ARNT2: variants seen among roughly 807,000 people sequenced by gnomAD.
The protein encoded by ARNT2 is aryl hydrocarbon receptor nuclear translocator 2.
A neutral mutation model predicts 91.7 loss-of-function variants in ARNT2; 36 were observed. The ratio of observed to expected loss-of-function variants is 0.39; its 90% confidence interval spans 0.30 to 0.52. ARNT2 has a LOEUF of 0.52. ARNT2 is among the 20% of genes least tolerant of loss of function. The pLI is 0.72. For synonymous variants in ARNT2, 365 were observed against 347.1 expected, an observed-to-expected ratio of 1.05 and a Z score of -0.57; for missense variants, 775 against 939.3, an observed-to-expected ratio of 0.83 and a Z score of 2.29.
At position 80,498,441 on chromosome 15, in the gene ARNT2, T is replaced by C. The variant is rs183849964; in HGVS notation, c.623-9715T>C. ...GTGACCATATTGTATATATAGGTGA[T>C]GGTCCAAATCCACGCACTAGGAGAG... On this transcript the variant is annotated intron_variant, in intron 5 of 18. Transcript: ENST00000303329. Among the ~76,000 whole-genome samples, 15 of 152,378 alleles carry C rather than the reference T, an allele frequency of 9.8e-5. No homozygotes were observed. The East Asian group carries it at 2.9e-3, about 29-fold the overall frequency.
In ARNT2 at chr15:80,475,123, C is replaced by A. The variant is rs1355824069; in HGVS notation, c.522C>A (p.Pro174=). Residue 174 remains proline, a synonymous_variant, in exon 5 of 19, where the codon CCC becomes CCA. Coordinates refer to ENST00000303329, the MANE Select transcript of ARNT2 (RefSeq NM_014862.4). The stretch of plus-strand genomic sequence containing the variant: ...CCGTCACCCCTGTTCTGAACCAGCC[C>A]CAGTCAGAGTGGTTTGGGAGCACAC... The part of the protein sequence containing the change: ...SDSVTPVLNQ[P]QSEWFGSTLY... The A allele has an allele frequency of 8.1e-6, 13 of 1,614,020 alleles. No homozygotes were observed. The highest frequency in any genetic ancestry group is 1.7e-5 in the Admixed American group (1 of 59,998).
intron 14 of ARNT2, 126 bp downstream of exon 14, chr15:80,575,236 G>A (rs1412940438): frequency 1.6e-6 from 2 of 1,286,628 alleles, no homozygotes; most frequent in Non-Finnish European, 2.2e-6. Context: ...CCATTGCAGG[G>A]TATAAAAATA....
intron 1 of ARNT2, among the ~76,000 whole-genome samples, chr15:80,428,820 T>C (rs1405935120): frequency 6.6e-6 from 1 of 152,234 alleles, no homozygotes; most frequent in East Asian, 1.9e-4. Context: ...ACGTCTGGTC[T>C]CTGGATCTAG....
intron 1 of ARNT2, among the ~76,000 whole-genome samples, chr15:80,442,248 A>G (rs1480629599): frequency 6.6e-6 from 1 of 152,206 alleles, no homozygotes; most frequent in Admixed American, 6.5e-5. Context: ...CATCTTTCCC[A>G]TCGTACTTCG....
At chr15:80,490,902 A>G (rs1000324362) in intron 5 of ARNT2, among the ~76,000 whole-genome samples, 6 of 152,242 alleles carry the variant, frequency 3.9e-5, no homozygotes, top group Non-Finnish European at 7.3e-5. Context: ...AATTGGTGGC[A>G]TGTTCTAAAG....
At chr15:80,465,347 T>C (rs542971164) in intron 3 of ARNT2, among the ~76,000 whole-genome samples, 1 of 152,304 alleles carries the variant, frequency 6.6e-6, no homozygotes, top group Admixed American at 6.5e-5. Flanking sequence ...GTGATGCTTC[T>C]CCAGGTTGGG....
chr15:80,446,449 T>C (rs76856128), intron 1 of ARNT2, among the ~76,000 whole-genome samples: 5,442 of 152,236 alleles, frequency 0.036, 141 homozygotes, highest in Middle Eastern at 0.054. Context: ...CTACGTGCCA[T>C]ACAACTTTCA....
At chr15:80,475,600 A>G (rs185629847) in intron 5 of ARNT2, 124 of 173,188 alleles carry the variant, frequency 7.2e-4, no homozygotes, top group Non-Finnish European at 1.1e-3. Flanking sequence ...TAAACAGGCC[A>G]GGAAACTGGA....
At chr15:80,465,221 A>G (rs1896636737) in intron 3 of ARNT2, among the ~76,000 whole-genome samples, 1 of 152,326 alleles carries the variant, frequency 6.6e-6, no homozygotes, top group Admixed American at 6.5e-5. Context: ...TGAAAAGGAA[A>G]AAACTCCTGG....
intron 5 of ARNT2, among the ~76,000 whole-genome samples, chr15:80,504,025 A>T (rs149359800): frequency 1.3e-5 from 2 of 152,246 alleles, no homozygotes; most frequent in African/African-American, 4.8e-5. Flanking sequence ...CAAGGAGAGC[A>T]CAATATGCTG....
chr15:80,426,128 A>G (rs976913789), intron 1 of ARNT2, among the ~76,000 whole-genome samples: 3 of 150,286 alleles, frequency 2.0e-5, no homozygotes, highest in African/African-American at 7.4e-5. Context: ...TTCAATGAAG[A>G]TTGCCATTTC....
chr15:80,431,962 C>T (rs1197386851), intron 1 of ARNT2, among the ~76,000 whole-genome samples: 1 of 152,216 alleles, frequency 6.6e-6, no homozygotes, highest in Non-Finnish European at 1.5e-5. Context: ...CCCAGGGCCG[C>T]TCCTCCTTTT....
chr15:80,487,154 C>G (rs994894628), intron 5 of ARNT2, among the ~76,000 whole-genome samples: 2 of 152,184 alleles, frequency 1.3e-5, no homozygotes, highest in Non-Finnish European at 2.9e-5. Context: ...CTGTACTTCT[C>G]CCTGCTTCTC....
At chr15:80,561,051 A>G (rs1898334369) in intron 11 of ARNT2, among the ~76,000 whole-genome samples, 1 of 152,198 alleles carries the variant, frequency 6.6e-6, no homozygotes, top group South Asian at 2.1e-4. Flanking sequence ...GTGTGCTCTG[A>G]GAGCCTGCTC....
intron 11 of ARNT2, among the ~76,000 whole-genome samples, chr15:80,557,967 T>C (rs1190078676): frequency 3.9e-5 from 6 of 152,230 alleles, no homozygotes; most frequent in African/African-American, 7.2e-5. Context: ...CTTCATGCTG[T>C]ATGTATACCT....
intron 3 of ARNT2, 135 bp downstream of exon 3, chr15:80,458,111 C>A (rs1896504617): frequency 1.1e-6 from 1 of 901,426 alleles, no homozygotes; most frequent in African/African-American, 1.7e-5. Context: ...CACTCTGTGG[C>A]AGTATTTGGC....
At chr15:80,498,730 C>CA (rs1267469267) in intron 5 of ARNT2, among the ~76,000 whole-genome samples, 1 of 152,174 alleles carries the variant, frequency 6.6e-6, no homozygotes, top group East Asian at 1.9e-4. Context: ...AAGAACTACA[C>CA]AAAAATAAAA....
intron 1 of ARNT2, chr15:80,442,773 T>C (rs1896212979): frequency 1.1e-6 from 1 of 893,856 alleles, no homozygotes; most frequent in Non-Finnish European, 1.3e-6. Context: ...ATGGTAGTTG[T>C]AAATATGCAA....
chr15:80,546,218 T>G (rs1897988836), intron 8 of ARNT2, among the ~76,000 whole-genome samples: 1 of 152,350 alleles, frequency 6.6e-6, no homozygotes. Flanking sequence ...CAAGGACTCC[T>G]TCTCTCAGCT....
Sources: allele counts gnomAD v4.1 joint callset (sites outside exome capture counted in the v4.1 genomes callset), GRCh38; gene constraint gnomAD v4.1.1; transcripts MANE v1.5; gene names NCBI Gene and HGNC (gene_info 2026-07-23, HGNC 2026-07-21).